Variants in RAI1 observed in about 807,000 individuals in gnomAD.
RAI1 encodes retinoic acid induced 1, also known as retinoic acid-induced protein 1.
Under a neutral mutation model 123.8 loss-of-function variants are expected in RAI1, and 9 were observed. That is an observed-to-expected ratio of 0.07 (90% CI 0.04 to 0.13). The LOEUF (loss-of-function observed/expected upper bound fraction) is 0.13. Ranked by LOEUF, RAI1 falls within the 10% of genes least tolerant of loss-of-function variation. The pLI, the probability that RAI1 is intolerant of heterozygous loss-of-function variation, is 1.00. For synonymous variants in RAI1, 1,231 were observed against 1,127.3 expected, an observed-to-expected ratio of 1.09 and a Z score of -1.84; for missense variants, 2,256 against 2,545.8, an observed-to-expected ratio of 0.89 and a Z score of 2.45.
chr17:17,727,103 C>T (rs547921748), intron 2 of RAI1, among the ~76,000 whole-genome samples: 1 of 152,362 alleles, frequency 6.6e-6, no homozygotes, highest in African/African-American at 2.4e-5. Flanking sequence ...CAAAATGCCA[C>T]TGCTGATGCC....
At chr17:17,689,827 G>A (rs1267104087) in intron 1 of RAI1, among the ~76,000 whole-genome samples, 3 of 152,176 alleles carry the variant, frequency 2.0e-5, no homozygotes, top group Non-Finnish European at 4.4e-5. Context: ...TTCCTCCATT[G>A]TTGCTTTTAT....
chr17:17,785,033 A>G (rs543653056), intron 2 of RAI1, among the ~76,000 whole-genome samples: 1 of 152,186 alleles, frequency 6.6e-6, no homozygotes, highest in Admixed American at 6.5e-5. Flanking sequence ...GTGTCACTAC[A>G]TCTCAACACC....
intron 1 of RAI1, among the ~76,000 whole-genome samples, chr17:17,702,847 C>T (rs927237669): frequency 1.2e-4 from 19 of 152,202 alleles, no homozygotes; most frequent in Admixed American, 1.1e-3. Flanking sequence ...CTCAAAGTCA[C>T]TCATCTCCGA....
At chr17:17,802,025 AC>A in intron 3 of RAI1, 2 of 466,228 alleles carry the variant, frequency 4.3e-6, no homozygotes. Context: ...TCTCTACCTC[AC>A]CCCCCGCCCC....
intron 2 of RAI1, among the ~76,000 whole-genome samples, chr17:17,780,618 G>C (rs548251322): frequency 6.6e-6 from 1 of 152,212 alleles, no homozygotes; most frequent in Non-Finnish European, 1.5e-5. Context: ...TGAAATGACA[G>C]GTGATGTCAC....
At chr17:17,683,669 A>G (rs1335823903) in intron 1 of RAI1, 2 of 152,302 alleles carry the variant, frequency 1.3e-5, no homozygotes, top group Non-Finnish European at 2.9e-5. Context: ...AGCTCTCACA[A>G]GCAAAAGCCT....
In RAI1 at chr17:17,780,119, G is replaced by A. The variant is rs1204697141; in HGVS notation, c.-16-12814G>A. Reference sequence around the variant, plus strand: ...TTTACTCTTGTCCCCAGGCTGGAGTGCAATGGCGCAATCTTGGCTCACTGC... The same window carrying A: ...TTTACTCTTGTCCCCAGGCTGGAGTACAATGGCGCAATCTTGGCTCACTGC... On this transcript the variant is annotated intron_variant, in intron 2 of 5. Coordinates refer to ENST00000353383, the MANE Select transcript of RAI1 (RefSeq NM_030665.4). Among the ~76,000 whole-genome samples the A allele has an allele frequency of 2.9e-5, 4 of 138,144 alleles. No individual in the cohort carries two copies. In the East Asian group the frequency reaches 8.8e-4, roughly 30 times the overall value. 90.6% of individuals were successfully genotyped at this position (138,144 alleles called of 152,430 possible).
At chr17:17,691,185 C>A (rs934013473) in intron 1 of RAI1, among the ~76,000 whole-genome samples, 7 of 152,088 alleles carry the variant, frequency 4.6e-5, no homozygotes, top group Non-Finnish European at 1.0e-4. Flanking sequence ...GGACACTGGG[C>A]CATGTCAGGA....
At chr17:17,792,300 GGTGTGTGTGTGCATGCGTGT>G (rs1034542495) in intron 2 of RAI1, among the ~76,000 whole-genome samples, 14 of 152,030 alleles carry the variant, frequency 9.2e-5, no homozygotes, top group South Asian at 4.1e-4. Flanking sequence ...TGATAGAGGA[GGTGTGTGTGTGCATGCGTGT>G]GTGTGTGTGT....
Position 17,809,937 on chromosome 17 carries a change from C to T in RAI1, c.5710-33C>T, listed in dbSNP as rs1259448397. ...GCCTATGGACTGTGAAGTCCGAGGT[C>T]GTCGGTAACTGGCGGGCGGGCGTCT... On this transcript the variant is annotated intron_variant, in intron 5 of 5. Transcript: ENST00000353383. This position sits in a 1 kb window ranked among gnomAD's most constrained non-coding sequence, Gnocchi z 4.9. 6.4e-7 allele frequency: 1 copy of T among 1,559,660 alleles called. No homozygotes were observed. Among genetic ancestry groups the T allele is most frequent in the Non-Finnish European group, 8.7e-7 (1 of 1,153,528 alleles).
intron 2 of RAI1, among the ~76,000 whole-genome samples, chr17:17,737,630 A>C (rs1170453681): frequency 6.6e-6 from 1 of 152,102 alleles, no homozygotes; most frequent in Non-Finnish European, 1.5e-5. Context: ...CCTCTGCCAG[A>C]AGCCTGTACC....
intron 2 of RAI1, among the ~76,000 whole-genome samples, chr17:17,728,040 T>A (rs1041990352): frequency 1.3e-5 from 2 of 151,996 alleles, no homozygotes; most frequent in Non-Finnish European, 2.9e-5. Context: ...TGTGCATGCG[T>A]GCCTCTGTGT....
At position 17,811,151 on chromosome 17, in the gene RAI1, AG is replaced by A. The variant is rs2032772680; in HGVS notation, c.*1171del. 1 of 283,480 alleles carries A rather than the reference AG, an allele frequency of 3.5e-6. No individual in the cohort carries two copies. The highest frequency in any genetic ancestry group is 7.0e-6 in the Non-Finnish European group (1 of 143,566). 17.6% of individuals were successfully genotyped at this position (283,480 alleles called of 1,614,324 possible). ...CTTCGATAGGCCTGACGCAGCCCCC[AG>A]CCCAGGGCCGCCCTAGCAACTTCCT... On this transcript the variant is annotated 3_prime_UTR_variant, in exon 6 of 6. Coordinates refer to ENST00000353383, the MANE Select transcript of RAI1 (RefSeq NM_030665.4).
At chr17:17,784,274 G>A (rs138411505) in intron 2 of RAI1, among the ~76,000 whole-genome samples, 1 of 152,238 alleles carries the variant, frequency 6.6e-6, no homozygotes, top group East Asian at 1.9e-4. Flanking sequence ...CTGTCAGAAT[G>A]GCTGCAGCGA....
chr17:17,770,202 G>A (rs1271833194), intron 2 of RAI1, among the ~76,000 whole-genome samples: 1 of 152,212 alleles, frequency 6.6e-6, no homozygotes, highest in Admixed American at 6.5e-5. Context: ...TTGTCTACCT[G>A]CGGGGTAGGG....
At chr17:17,746,971 C>T (rs1707563741) in intron 2 of RAI1, among the ~76,000 whole-genome samples, 2 of 152,206 alleles carry the variant, frequency 1.3e-5, no homozygotes. Flanking sequence ...TTATTTCACA[C>T]ACACACTAGA....
chr17:17,701,979 A>G (rs1382612882), intron 1 of RAI1, among the ~76,000 whole-genome samples: 1 of 152,218 alleles, frequency 6.6e-6, no homozygotes, highest in African/African-American at 2.4e-5. Flanking sequence ...CTTGTCCTCT[A>G]ATGGAAAAAG....
intron 2 of RAI1, among the ~76,000 whole-genome samples, chr17:17,758,579 G>A (rs1204974401): frequency 2.0e-5 from 3 of 152,232 alleles, no homozygotes; most frequent in African/African-American, 4.8e-5. Context: ...TCAGCTAGAC[G>A]TTCCTGAGTG....
At chr17:17,762,182 A>AT (rs2030728868) in intron 2 of RAI1, among the ~76,000 whole-genome samples, 1 of 152,068 alleles carries the variant, frequency 6.6e-6, no homozygotes, top group Non-Finnish European at 1.5e-5. Flanking sequence ...GAGGGAGGTG[A>AT]TTTTGGAGAG....
Sources: gnomAD v4.1 joint callset for allele counts (sites outside exome capture counted in the v4.1 genomes callset) on GRCh38, gnomAD v4.1.1 for gene constraint, Gnocchi (gnomAD v3.1) non-coding constraint, MANE v1.5 for transcripts, NCBI Gene and HGNC (gene_info 2026-07-23, HGNC 2026-07-21) for gene names.